Variants in ESCO1 observed in about 807,000 individuals in gnomAD.
The protein encoded by ESCO1 is establishment of sister chromatid cohesion N-acetyltransferase 1.
A neutral mutation model predicts 83.5 loss-of-function variants in ESCO1; 33 were observed. The observed-to-expected ratio is 0.40, with a 90% CI of 0.30 to 0.53. The LOEUF (loss-of-function observed/expected upper bound fraction) is 0.53. Among genes scored for constraint, ESCO1 ranks in the 20% least tolerant of loss-of-function variants. ESCO1 has a pLI of 0.63. For synonymous variants in ESCO1, 332 were observed against 324.3 expected, an observed-to-expected ratio of 1.02 and a Z score of -0.25; for missense variants, 855 against 968.0, an observed-to-expected ratio of 0.88 and a Z score of 1.55.
At chr18:21,540,615 G>C in intron 8 of ESCO1, 2 of 1,341,604 alleles carry the variant, frequency 1.5e-6, no homozygotes, top group Non-Finnish European at 2.0e-6. Context: ...GCTACGTTGT[G>C]TGTATCTGAA....
chr18:21,579,810 A>G lies in ESCO1; in HGVS notation c.-693-4033T>C, dbSNP rs867518765. ...CGCGCGCGCGCACACACACACACAC[A>G]CACACACACACACACACACACACAC... On this transcript the variant is annotated intron_variant, in intron 2 of 11. Coordinates refer to ENST00000269214, the MANE Select transcript of ESCO1 (RefSeq NM_052911.3). Among the ~76,000 whole-genome samples the G allele has an allele frequency of 2.3e-4, 32 of 142,054 alleles. 1 individual carries two copies. The highest frequency in any genetic ancestry group is 2.2e-3 in the East Asian group (11 of 5,076). The allele number at this position is 142,054 out of a possible 152,430, so 93.2% of individuals were successfully genotyped here. A position where few individuals can be genotyped will look rare whatever the true frequency, so the allele number is the denominator to read the frequency against.
intron 8 of ESCO1, among the ~76,000 whole-genome samples, chr18:21,548,059 G>C (rs1294893585): frequency 6.6e-6 from 1 of 152,006 alleles, no homozygotes; most frequent in Non-Finnish European, 1.5e-5. Flanking sequence ...CTGAGATGGC[G>C]CCACTGCACT....
intron 3 of ESCO1, 103 bp from the exon 4 acceptor site, chr18:21,575,533 T>G (rs2038408136): frequency 5.0e-6 from 2 of 398,130 alleles, no homozygotes. Context: ...ATCTAACTCC[T>G]CCTTTTGAAG....
At position 21,584,348 on chromosome 18, in the gene ESCO1, T is replaced by C. The variant is rs961433367; in HGVS notation, c.-732A>G. 1.3e-5 allele frequency: 2 copies of C among 152,050 alleles called. No homozygotes were observed. The highest frequency in any genetic ancestry group is 2.4e-5 in the African/African-American group (1 of 41,404). 9.4% of individuals were successfully genotyped at this position (152,050 alleles called of 1,614,324 possible). ...TATATCACCTTTTTCTTCAAGTTGATTGATGAATGATGCTTCTGATGAATG... is the reference window on the plus strand; with the variant it reads ...TATATCACCTTTTTCTTCAAGTTGACTGATGAATGATGCTTCTGATGAATG... On this transcript the variant is annotated 5_prime_UTR_variant, in exon 2 of 12. Transcript: ENST00000269214.
chr18:21,572,855 T>C (rs2038358578), intron 4 of ESCO1, among the ~76,000 whole-genome samples: 2 of 151,762 alleles, frequency 1.3e-5, no homozygotes, highest in East Asian at 3.9e-4. Context: ...TCCCAGCTAC[T>C]CGGGAGGCTG....
chr18:21,535,529 C>T (rs1433315273), intron 10 of ESCO1, among the ~76,000 whole-genome samples: 2 of 152,224 alleles, frequency 1.3e-5, no homozygotes, highest in African/African-American at 4.8e-5. Context: ...ACTACAGGCA[C>T]GTGCCACCAT....
intron 2 of ESCO1, among the ~76,000 whole-genome samples, chr18:21,579,017 C>T (rs548884670): frequency 3.3e-5 from 5 of 152,268 alleles, no homozygotes; most frequent in South Asian, 4.1e-4. Context: ...CGCACCACTA[C>T]ACCGGCTAAT....
intron 4 of ESCO1, among the ~76,000 whole-genome samples, chr18:21,572,866 A>G (rs1370183196): frequency 2.0e-5 from 3 of 151,912 alleles, no homozygotes; most frequent in Admixed American, 2.0e-4. Flanking sequence ...CGGGAGGCTG[A>G]GGCTAGAGAA....
chr18:21,600,539 G>A (rs563713753), intron 1 of ESCO1, 84 bp downstream of exon 1: 1 of 152,594 alleles, frequency 6.6e-6, no homozygotes, highest in Admixed American at 6.5e-5. Context: ...AACAGGAAGA[G>A]GGAGAACTGT....
rs1319316725 is a variant in ESCO1 at position 21,538,172 on chromosome 18, C to T, written c.2043+1748G>A. Among the ~76,000 whole-genome samples, 3 of 151,432 alleles carry T rather than the reference C, an allele frequency of 2.0e-5. No individual in the cohort carries two copies. In the East Asian group the frequency reaches 5.8e-4, roughly 29 times the overall value. ...GGGGGAATCAAAAGTTGTACTTGGGCTGGGCAGGGTGGCTCACGCCTATAA... is the reference window on the plus strand; with the variant it reads ...GGGGGAATCAAAAGTTGTACTTGGGTTGGGCAGGGTGGCTCACGCCTATAA... On this transcript the variant is annotated intron_variant, in intron 9 of 11. Coordinates refer to ENST00000269214, the MANE Select transcript of ESCO1 (RefSeq NM_052911.3).
At chr18:21,600,525 G>A (rs935920560) in intron 1 of ESCO1, 98 bp downstream of exon 1, 1 of 152,552 alleles carries the variant, frequency 6.6e-6, no homozygotes, top group Non-Finnish European at 1.5e-5. Context: ...GCCACCGAGG[G>A]TGGAACAGGA....
chr18:21,570,288 G>T (rs1289031760), intron 4 of ESCO1, among the ~76,000 whole-genome samples: 2 of 151,616 alleles, frequency 1.3e-5, no homozygotes, highest in African/African-American at 4.9e-5. Context: ...TTGTAGAGAG[G>T]GAGTCTCACT....
chr18:21,558,209 T>C (rs552018114), intron 8 of ESCO1, among the ~76,000 whole-genome samples: 10 of 152,002 alleles, frequency 6.6e-5, no homozygotes, highest in Non-Finnish European at 1.5e-4. Flanking sequence ...TAGTTTCTAA[T>C]AAGTCAAATA....
intron 1 of ESCO1, among the ~76,000 whole-genome samples, chr18:21,597,651 A>T (rs985117250): frequency 1.3e-5 from 2 of 152,168 alleles, no homozygotes; most frequent in Non-Finnish European, 2.9e-5. Context: ...GGAGTCCTAC[A>T]TAATTTTTAA....
intron 10 of ESCO1, among the ~76,000 whole-genome samples, chr18:21,534,906 G>C (rs138248282): frequency 1.3e-5 from 2 of 151,664 alleles, no homozygotes; most frequent in East Asian, 3.9e-4. Flanking sequence ...TTACAGGTCT[G>C]AGCCACTATG....
At chr18:21,555,378 A>G (rs778670535) in intron 8 of ESCO1, among the ~76,000 whole-genome samples, 1 of 152,354 alleles carries the variant, frequency 6.6e-6, no homozygotes, top group East Asian at 1.9e-4. Context: ...AGAATATACA[A>G]GAAAATCCTA....
intron 1 of ESCO1, among the ~76,000 whole-genome samples, chr18:21,585,879 G>A (rs1486532655): frequency 6.6e-6 from 1 of 152,126 alleles, no homozygotes; most frequent in African/African-American, 2.4e-5. Context: ...AGGTGTTTGA[G>A]CCACTGAGCC....
chr18:21,538,542 A>G (rs1598977472), intron 9 of ESCO1, among the ~76,000 whole-genome samples: 1 of 152,198 alleles, frequency 6.6e-6, no homozygotes, highest in African/African-American at 2.4e-5. Flanking sequence ...GGTATCTAAG[A>G]TTGTCCATTC....
intron 1 of ESCO1, among the ~76,000 whole-genome samples, chr18:21,595,328 C>A (rs533781161): frequency 3.4e-5 from 5 of 145,074 alleles, no homozygotes; most frequent in Admixed American, 1.4e-4. Flanking sequence ...CACGCCACTG[C>A]ACTCCAGCCT....
Sources: allele counts gnomAD v4.1 joint callset (sites outside exome capture counted in the v4.1 genomes callset), GRCh38; gene constraint gnomAD v4.1.1; transcripts MANE v1.5; gene names NCBI Gene and HGNC (gene_info 2026-07-23, HGNC 2026-07-21).